NELL1: variants seen among roughly 807,000 people sequenced by gnomAD.
NELL1 encodes the protein protein kinase C-binding protein NELL1.
NELL1 carries 76 observed loss-of-function variants against 107.4 expected under a neutral mutation model. The observed-to-expected ratio is 0.71, with a 90% CI of 0.59 to 0.86. NELL1 has a LOEUF of 0.86. NELL1 is among the 40% of genes least tolerant of loss of function. The pLI is 0.00. For missense variants in NELL1, 1,024 were observed against 1,005.5 expected, an observed-to-expected ratio of 1.02 and a Z score of -0.25; for synonymous variants, 353 against 341.2, an observed-to-expected ratio of 1.03 and a Z score of -0.38.
intron 15 of NELL1, among the ~76,000 whole-genome samples, chr11:21,462,478 G>A (rs1853922908): frequency 6.6e-6 from 1 of 151,972 alleles, no homozygotes; most frequent in African/African-American, 2.4e-5. Context: ...TTTCTTTAGG[G>A]TTAAGAAGTC....
At chr11:20,713,595 C>A (rs1855166415) in intron 2 of NELL1, among the ~76,000 whole-genome samples, 1 of 152,132 alleles carries the variant, frequency 6.6e-6, no homozygotes, top group Admixed American at 6.6e-5. Flanking sequence ...CTTGCCCCCT[C>A]CCTGTCTGCC....
intron 12 of NELL1, among the ~76,000 whole-genome samples, chr11:21,010,983 T>G (rs1036980333): frequency 6.6e-6 from 1 of 152,110 alleles, no homozygotes; most frequent in African/African-American, 2.4e-5. Context: ...GCACTTCTCC[T>G]TCCTTGAAAT....
At chr11:21,495,345 T>C (rs1007886127) in intron 15 of NELL1, among the ~76,000 whole-genome samples, 15 of 152,194 alleles carry the variant, frequency 9.9e-5, no homozygotes, top group Admixed American at 9.2e-4. Context: ...ACCTGATTCC[T>C]TTTTATGGCC....
intron 5 of NELL1, among the ~76,000 whole-genome samples, chr11:20,912,075 G>T (rs1463196741): frequency 6.6e-6 from 1 of 152,104 alleles, no homozygotes; most frequent in Non-Finnish European, 1.5e-5. Flanking sequence ...TGTGCTTTCA[G>T]GTTAAAATAA....
intron 14 of NELL1, among the ~76,000 whole-genome samples, chr11:21,310,110 C>T (rs1330957694): frequency 1.3e-5 from 2 of 152,072 alleles, no homozygotes; most frequent in African/African-American, 4.8e-5. Context: ...TATGAGAAAA[C>T]AGCTATTTAA....
chr11:21,363,830 G>T lies in NELL1; in HGVS notation c.1550-7023G>T, dbSNP rs181748084. On this transcript the variant is annotated intron_variant, in intron 14 of 19. Coordinates refer to ENST00000357134, the MANE Select transcript of NELL1 (RefSeq NM_006157.5). Reference sequence around the variant, plus strand: ...CAGAATTGCAAAAAATGTGATCTTAGTCCCTAAGAATCTCACAGTCTGGTT... The same window carrying T: ...CAGAATTGCAAAAAATGTGATCTTATTCCCTAAGAATCTCACAGTCTGGTT... Among the ~76,000 whole-genome samples, 201 of 152,184 alleles carry T rather than the reference G, an allele frequency of 1.3e-3. 2 individuals carry two copies. Among genetic ancestry groups the T allele is most frequent in the African/African-American group, 4.6e-3 (191 of 41,526 alleles).
At chr11:21,071,524 T>C (rs919958491) in intron 12 of NELL1, among the ~76,000 whole-genome samples, 2 of 152,244 alleles carry the variant, frequency 1.3e-5, no homozygotes, top group African/African-American at 4.8e-5. Context: ...AGACTGGATA[T>C]GTTTAAAATG....
chr11:21,364,289 T>C (rs987301178), intron 14 of NELL1, among the ~76,000 whole-genome samples: 1 of 151,406 alleles, frequency 6.6e-6, no homozygotes, highest in Non-Finnish European at 1.5e-5. Context: ...CGGGTGCCTA[T>C]AATCCTAGCT....
intron 14 of NELL1, among the ~76,000 whole-genome samples, chr11:21,368,402 A>G (rs1489423261): frequency 2.1e-5 from 3 of 142,734 alleles, no homozygotes; most frequent in East Asian, 2.0e-4. Flanking sequence ...CTTAGCCCTT[A>G]TGGAACTATT....
intron 12 of NELL1, among the ~76,000 whole-genome samples, chr11:21,099,218 C>A (rs199789306): frequency 2.5e-4 from 36 of 143,008 alleles, no homozygotes; most frequent in African/African-American, 7.9e-4. Flanking sequence ...CACACACACA[C>A]ACACACACAC....
At chr11:21,120,932 G>A (rs550716114) in intron 13 of NELL1, among the ~76,000 whole-genome samples, 9 of 151,820 alleles carry the variant, frequency 5.9e-5, no homozygotes, top group Admixed American at 2.0e-4. Flanking sequence ...CCTTCCCTAC[G>A]CCCTCAGAGG....
chr11:20,865,348 T>C (rs1218274445), intron 4 of NELL1, among the ~76,000 whole-genome samples: 1 of 152,198 alleles, frequency 6.6e-6, no homozygotes, highest in African/African-American at 2.4e-5. Flanking sequence ...AACCAAAATG[T>C]CACCTCCTTC....
intron 15 of NELL1, among the ~76,000 whole-genome samples, chr11:21,487,327 C>A (rs138064246): frequency 6.6e-6 from 1 of 152,204 alleles, no homozygotes; most frequent in African/African-American, 2.4e-5. Context: ...AAAGAATAAA[C>A]TGACAGAGAA....
At chr11:20,927,016 C>T (rs1305226147) in intron 7 of NELL1, 1 of 297,876 alleles carries the variant, frequency 3.4e-6, no homozygotes, top group Non-Finnish European at 6.2e-6. Flanking sequence ...TTTGTGTGGG[C>T]TTGAATGGAA....
At chr11:20,862,384 A>G (rs749819879) in intron 4 of NELL1, among the ~76,000 whole-genome samples, 2 of 152,164 alleles carry the variant, frequency 1.3e-5, no homozygotes, top group African/African-American at 2.4e-5. Context: ...CACACGCACA[A>G]GCTTCCCTTT....
chr11:21,157,161 A>ATATGTGTG lies in NELL1; in HGVS notation c.1426+43448_1426+43449insATGTGTGT, dbSNP rs372420048. Among the ~76,000 whole-genome samples, 749 of 149,726 alleles carry ATATGTGTG rather than the reference A, an allele frequency of 5.0e-3. 7 individuals carry two copies. Among genetic ancestry groups the ATATGTGTG allele is most frequent in the African/African-American group, 0.018 (713 of 40,694 alleles). On this transcript the variant is annotated intron_variant, in intron 13 of 19. Coordinates refer to ENST00000357134, the MANE Select transcript of NELL1 (RefSeq NM_006157.5). ...TATGAATGTGTATGTATATATATAT[A>ATATGTGTG]TGTGTGTGTGTGTGTGTGTGTGTAC...
chr11:21,521,999 C>T (rs142751295), intron 15 of NELL1, among the ~76,000 whole-genome samples: 11 of 152,236 alleles, frequency 7.2e-5, no homozygotes, highest in African/African-American at 2.4e-4. Context: ...TCCGGATATT[C>T]GTTTCCTGTC....
intron 13 of NELL1, among the ~76,000 whole-genome samples, chr11:21,194,488 C>G (rs1220366429): frequency 6.6e-6 from 1 of 152,058 alleles, no homozygotes; most frequent in African/African-American, 2.4e-5. Flanking sequence ...CTGGTCTGGT[C>G]TAGGGCTGGG....
chr11:21,105,872 T>C (rs1403516303), intron 12 of NELL1, among the ~76,000 whole-genome samples: 2 of 33,884 alleles, frequency 5.9e-5, no homozygotes, highest in Non-Finnish European at 9.8e-5. Context: ...CCCCCTCCCC[T>C]TCCTCTCTCC....
Sources: allele counts gnomAD v4.1 joint callset (sites outside exome capture counted in the v4.1 genomes callset), GRCh38; gene constraint gnomAD v4.1.1; transcripts MANE v1.5; gene names NCBI Gene and HGNC (gene_info 2026-07-23, HGNC 2026-07-21).